NOVA1: variants seen among roughly 807,000 people sequenced by gnomAD.
NOVA1 encodes the protein NOVA alternative splicing regulator 1, also known as RNA-binding protein Nova-1.
NOVA1 carries 7 observed loss-of-function variants against 38.0 expected under a neutral mutation model. That is an observed-to-expected ratio of 0.18 (90% CI 0.10 to 0.35). The LOEUF is 0.35. Among genes scored for constraint, NOVA1 ranks in the 10% least tolerant of loss-of-function variants. The pLI is 1.00. For missense variants in NOVA1, 460 were observed against 616.0 expected (o/e 0.75, Z 2.68); for synonymous variants, 270 against 232.5 (o/e 1.16, Z -1.47).
At chr14:26,589,056 T>C (rs771916767) in intron 2 of NOVA1, among the ~76,000 whole-genome samples, 1 of 151,538 alleles carries the variant, frequency 6.6e-6, no homozygotes, top group Admixed American at 6.6e-5. Flanking sequence ...AAATAATAAA[T>C]TATATTCAAT....
intron 2 of NOVA1, among the ~76,000 whole-genome samples, chr14:26,512,974 T>C (rs1163210457): frequency 2.0e-5 from 3 of 152,002 alleles, no homozygotes; most frequent in African/African-American, 7.2e-5. Context: ...ACTTTTTAAA[T>C]GTCTTAATAT....
chr14:26,507,050 T>C (rs1004824328), intron 2 of NOVA1, among the ~76,000 whole-genome samples: 4 of 152,182 alleles, frequency 2.6e-5, no homozygotes, highest in African/African-American at 9.7e-5. Context: ...TTAAACTGGA[T>C]TGTATCCTGG....
intron 2 of NOVA1, among the ~76,000 whole-genome samples, chr14:26,521,198 G>C (rs533550711): frequency 6.6e-6 from 1 of 152,024 alleles, no homozygotes; most frequent in Admixed American, 6.6e-5. Flanking sequence ...TAAAGAAAAA[G>C]TGACATGCTT....
At chr14:26,499,728 C>T (rs572456704) in intron 2 of NOVA1, among the ~76,000 whole-genome samples, 1 of 152,068 alleles carries the variant, frequency 6.6e-6, no homozygotes, top group Non-Finnish European at 1.5e-5. Context: ...GTAGGGCTTT[C>T]TTTCCATTGT....
chr14:26,490,901 GT>G (rs1886285635), intron 2 of NOVA1, among the ~76,000 whole-genome samples: 1 of 140,536 alleles, frequency 7.1e-6, no homozygotes, highest in African/African-American at 2.6e-5. Context: ...CCAGGCTGGA[GT>G]GCAGTGGCGC....
intron 2 of NOVA1, among the ~76,000 whole-genome samples, chr14:26,571,281 C>T (rs1892455455): frequency 6.6e-6 from 1 of 152,016 alleles, no homozygotes; most frequent in African/African-American, 2.4e-5. Flanking sequence ...TGAGGCCAGC[C>T]AGTCTCTTTT....
chr14:26,460,381 C>T (rs902705419), intron 4 of NOVA1, among the ~76,000 whole-genome samples: 5 of 151,958 alleles, frequency 3.3e-5, no homozygotes, highest in African/African-American at 1.2e-4. Flanking sequence ...AAACTATATT[C>T]TTTTCATATA....
intron 2 of NOVA1, among the ~76,000 whole-genome samples, chr14:26,574,496 T>A (rs1414108611): frequency 1.3e-5 from 2 of 152,110 alleles, no homozygotes; most frequent in African/African-American, 4.8e-5. Context: ...AATTTCCCCA[T>A]ATATCCTTCT....
At chr14:26,457,905 G>A (rs178222) in intron 4 of NOVA1, among the ~76,000 whole-genome samples, 95,936 of 151,880 alleles carry the variant, frequency 0.63, 32,819 homozygotes, top group South Asian at 0.75. Context: ...AGGCTAATGT[G>A]TGTCTTAGTT....
At chr14:26,498,744 T>G (rs373433034) in intron 2 of NOVA1, among the ~76,000 whole-genome samples, 3 of 152,196 alleles carry the variant, frequency 2.0e-5, no homozygotes, top group Non-Finnish European at 2.9e-5. Context: ...CCTACAAAAG[T>G]GTACTGAAGC....
At chr14:26,544,214 A>T (rs908156638) in intron 2 of NOVA1, among the ~76,000 whole-genome samples, 2 of 152,028 alleles carry the variant, frequency 1.3e-5, no homozygotes, top group African/African-American at 4.8e-5. Context: ...ACTCCAAAAC[A>T]AAGAGGACAG....
chr14:26,545,694 T>C (rs1890746776), intron 2 of NOVA1, among the ~76,000 whole-genome samples: 1 of 152,126 alleles, frequency 6.6e-6, no homozygotes, highest in Non-Finnish European at 1.5e-5. Flanking sequence ...GGTGAAATGA[T>C]TCCCAATTAA....
At chr14:26,551,510 A>C (rs1325851696) in intron 2 of NOVA1, among the ~76,000 whole-genome samples, 1 of 152,094 alleles carries the variant, frequency 6.6e-6, no homozygotes, top group African/African-American at 2.4e-5. Context: ...CATTATTTTC[A>C]AAATAAAAAT....
At chr14:26,527,657 T>C (rs1218550105) in intron 2 of NOVA1, among the ~76,000 whole-genome samples, 2 of 152,160 alleles carry the variant, frequency 1.3e-5, no homozygotes, top group Non-Finnish European at 1.5e-5. Flanking sequence ...GTAGACCATA[T>C]AGTTCTTAAG....
chr14:26,532,707 A>G (rs961855227), intron 2 of NOVA1, among the ~76,000 whole-genome samples: 1 of 152,186 alleles, frequency 6.6e-6, no homozygotes, highest in African/African-American at 2.4e-5. Flanking sequence ...GACATGTTTT[A>G]CGAGACTTTT....
intron 2 of NOVA1, among the ~76,000 whole-genome samples, chr14:26,537,612 C>CA (rs1405914177): frequency 2.6e-5 from 4 of 152,118 alleles, no homozygotes; most frequent in African/African-American, 9.7e-5. Context: ...ATCCACTCCA[C>CA]AATATGTATT....
At chr14:26,524,514 G>A (rs923199402) in intron 2 of NOVA1, among the ~76,000 whole-genome samples, 4 of 151,908 alleles carry the variant, frequency 2.6e-5, no homozygotes, top group African/African-American at 7.2e-5. Flanking sequence ...TAAAATGTCC[G>A]CATATTTTAG....
intron 2 of NOVA1, among the ~76,000 whole-genome samples, chr14:26,532,690 T>C (rs879031478): frequency 2.0e-5 from 3 of 152,174 alleles, no homozygotes; most frequent in Admixed American, 2.0e-4. Context: ...GAAAATCACC[T>C]TTATAAGACA....
At chr14:26,538,462 G>A (rs1009875548) in intron 2 of NOVA1, among the ~76,000 whole-genome samples, 2 of 152,020 alleles carry the variant, frequency 1.3e-5, no homozygotes, top group Non-Finnish European at 2.9e-5. Context: ...TTTTACCATG[G>A]AAAAGTTTAT....
Sources: gnomAD v4.1 joint callset for allele counts (sites outside exome capture counted in the v4.1 genomes callset) on GRCh38, gnomAD v4.1.1 for gene constraint, MANE v1.5 for transcripts, NCBI Gene and HGNC (gene_info 2026-07-23, HGNC 2026-07-21) for gene names.